Variants in DNAH17 observed in about 807,000 individuals in gnomAD.
DNAH17 encodes the protein dynein axonemal heavy chain 17.
DNAH17 carries 376 observed loss-of-function variants against 485.6 expected under a neutral mutation model. The ratio of observed to expected loss-of-function variants is 0.77; its 90% CI spans 0.71 to 0.84. The LOEUF is 0.84. Ranked by LOEUF, DNAH17 falls within the 40% of genes least tolerant of loss-of-function variation. The pLI, the probability that DNAH17 is intolerant of heterozygous loss-of-function variation, is 0.00. For synonymous variants in DNAH17, 3,031 were observed against 2,405.9 expected (o/e 1.26, Z -7.60); for missense variants, 6,370 against 5,839.3 (o/e 1.09, Z -2.96).
At chr17:78,428,341 G>A (rs983375668) in intron 77 of DNAH17, 184 bp downstream of exon 77, 12 of 708,660 alleles carry the variant, frequency 1.7e-5, no homozygotes, top group East Asian at 1.1e-4. Flanking sequence ...CAGCTGCCAC[G>A]TCTGAGGACC....
At chr17:78,572,614 AGTGGG>A in intron 3 of DNAH17, 82 bp downstream of exon 3, 1 of 1,080,654 alleles carries the variant, frequency 9.3e-7, no homozygotes, top group South Asian at 1.6e-5. Flanking sequence ...AACGGGTCGG[AGTGGG>A]GTGGAGTGGG....
intron 64 of DNAH17, among the ~76,000 whole-genome samples, chr17:78,453,858 T>G (rs1461603430): frequency 6.6e-6 from 1 of 151,780 alleles, no homozygotes; most frequent in Non-Finnish European, 1.5e-5. Flanking sequence ...CAACTAGGTT[T>G]TTTTTGTTTG....
intron 17 of DNAH17, among the ~76,000 whole-genome samples, chr17:78,543,200 C>T (rs928269578): frequency 3.3e-5 from 5 of 152,164 alleles, no homozygotes; most frequent in Admixed American, 1.3e-4. Flanking sequence ...CTGCCACCTC[C>T]GCCTCCCAGG....
At chr17:78,470,692 G>A (rs1254724627) in intron 54 of DNAH17, among the ~76,000 whole-genome samples, 1 of 152,088 alleles carries the variant, frequency 6.6e-6, no homozygotes, top group Non-Finnish European at 1.5e-5. Context: ...CCGTCTCAAA[G>A]AAAAGAAATA....
intron 16 of DNAH17, among the ~76,000 whole-genome samples, chr17:78,548,662 C>CCTGAGGG (rs1385009333): frequency 6.6e-6 from 1 of 152,146 alleles, no homozygotes; most frequent in Non-Finnish European, 1.5e-5. Context: ...GCTGTTCACA[C>CCTGAGGG]CTGAGGGCTA....
intron 27 of DNAH17, 93 bp from the exon 28 acceptor site, chr17:78,507,898 A>C (rs1386130862): frequency 4.9e-6 from 6 of 1,235,306 alleles, no homozygotes; most frequent in Non-Finnish European, 6.6e-6. Flanking sequence ...CTGAAGCTCC[A>C]TGATCAGAAA....
In DNAH17 at chr17:78,465,626, C is replaced by T. The variant is rs540201201; in HGVS notation, c.8940+1029G>A. Among the ~76,000 whole-genome samples the T allele has an allele frequency of 7.4e-3, 1,127 of 151,492 alleles. 5 individuals carry two copies. Among genetic ancestry groups the T allele is most frequent in the East Asian group, 0.013 (66 of 5,112 alleles). ...GAGCGCCTCTGCCCGGCCGAGACCC[C>T]GTCTGGGAGGTGAGGAGCGTCTCTG... is the stretch of plus-strand genomic sequence containing the variant. On this transcript the variant is annotated intron_variant, in intron 56 of 80. Coordinates refer to ENST00000389840, the MANE Select transcript of DNAH17 (RefSeq NM_173628.4).
intron 20 of DNAH17, among the ~76,000 whole-genome samples, chr17:78,531,157 CTG>C (rs1480705147): frequency 6.6e-6 from 1 of 152,042 alleles, no homozygotes; most frequent in African/African-American, 2.4e-5. Flanking sequence ...AAAACCCTAA[CTG>C]TTACTGTACT....
Position 78,575,383 on chromosome 17 carries a change from A to G in DNAH17, c.-25-301T>C, listed in dbSNP as rs150635089. ...GAAAGATAGAGATGAATGCTGGAGA[A>G]AGAGAGAAAAGGAAATGGCCGCAAC... On this transcript the variant is annotated intron_variant, in intron 1 of 80. Coordinates refer to ENST00000389840, the MANE Select transcript of DNAH17 (RefSeq NM_173628.4). Among the ~76,000 whole-genome samples, 414 of 152,344 alleles carry G rather than the reference A, an allele frequency of 2.7e-3. 2 individuals are homozygous for G. The highest frequency in any genetic ancestry group is 9.2e-3 in the African/African-American group (381 of 41,564).
At chr17:78,567,418 G>T (rs1230180943) in intron 9 of DNAH17, among the ~76,000 whole-genome samples, 1 of 152,118 alleles carries the variant, frequency 6.6e-6, no homozygotes, top group Non-Finnish European at 1.5e-5. Flanking sequence ...AGGAGGAGCT[G>T]GAGAGGATAA....
Position 78,571,610 on chromosome 17 carries a change from G to C in DNAH17, c.712C>G (p.Leu238Val). 2 of 1,613,946 alleles carry C rather than the reference G, an allele frequency of 1.2e-6. No individual in the cohort carries two copies. Among genetic ancestry groups the C allele is most frequent in the Non-Finnish European group, 1.7e-6 (2 of 1,179,900 alleles). Residue 238 changes from leucine to valine, a missense_variant, in exon 4 of 81, where the codon CTC (leucine) becomes GTC (valine). Leu to Val is a conservative substitution (Grantham distance 32, BLOSUM62 1). Coordinates refer to ENST00000389840, the MANE Select transcript of DNAH17 (RefSeq NM_173628.4). ...FEFWDTRLLN[L>V]KCIHEQLNRP... ...CGTACCTGTTCATGGATGCACTTGAGGTTCAGCAGCCGAGTGTCCCAGAAC... is the reference window on the plus strand; with the variant it reads ...CGTACCTGTTCATGGATGCACTTGACGTTCAGCAGCCGAGTGTCCCAGAAC...
At chr17:78,448,475 T>C (rs1327860450) in intron 69 of DNAH17, among the ~76,000 whole-genome samples, 1 of 152,226 alleles carries the variant, frequency 6.6e-6, no homozygotes, top group Non-Finnish European at 1.5e-5. Context: ...TACAGTGAAC[T>C]ATGATTGCAC....
intron 12 of DNAH17, 56 bp downstream of exon 12, chr17:78,561,659 C>T (rs1169705806): frequency 7.9e-6 from 12 of 1,527,382 alleles, no homozygotes; most frequent in Middle Eastern, 1.9e-4. Context: ...CAGTCCCTCT[C>T]GCTCTCCCGC....
intron 77 of DNAH17, among the ~76,000 whole-genome samples, chr17:78,428,153 G>A (rs2086543221): frequency 6.6e-6 from 1 of 152,170 alleles, no homozygotes; most frequent in Non-Finnish European, 1.5e-5. Context: ...GCTGCCCGGT[G>A]CGAGCTGCTA....
In DNAH17 at chr17:78,560,915, G is replaced by C. The variant is rs1166733127; in HGVS notation, c.1856C>G (p.Ala619Gly). Residue 619 changes from alanine (A) to glycine (G), a missense_variant, in exon 13 of 81, where the codon GCC becomes GGC. Transcript: ENST00000389840. ...VEHPVMSGAE[A>G]KLTYQKYDEM... ...GTCATACTTCTGATAGGTCAGCTTG[G>C]CCTCTGCTCCAGACATGACCCTGGA... The C allele has an allele frequency of 1.3e-6, 2 of 1,550,098 alleles. No homozygotes were observed. Among genetic ancestry groups the C allele is most frequent in the African/African-American group, 1.4e-5 (1 of 73,020 alleles).
At chr17:78,478,790 T>C in intron 51 of DNAH17, 1 of 493,664 alleles carries the variant, frequency 2.0e-6, no homozygotes, top group Non-Finnish European at 3.6e-6. Context: ...ACTATCATCA[T>C]AACCATCACT....
intron 69 of DNAH17, among the ~76,000 whole-genome samples, chr17:78,447,708 C>A (rs1385177559): frequency 6.7e-6 from 1 of 150,062 alleles, no homozygotes; most frequent in East Asian, 1.9e-4. Context: ...CATAGTGAAC[C>A]TATGATTCAG....
intron 14 of DNAH17, among the ~76,000 whole-genome samples, chr17:78,555,458 C>G (rs1354351294): frequency 7.2e-6 from 1 of 139,592 alleles, no homozygotes; most frequent in Non-Finnish European, 1.5e-5. Context: ...ATGAATGGAC[C>G]ATGGACAAAG....
chr17:78,539,841 G>A lies in DNAH17; in HGVS notation c.2572C>T (p.Pro858Ser). The stretch of plus-strand genomic sequence containing the variant: ...ATGTAGATGACATAATCCTTCCAGG[G>A]CAGGCTCAGTGTGTCTGCCCTGAAT... ...ELFRADTLSL[P>S]WKDYVIYIDD... The change falls in exon 18 of 81, where the codon CCC (proline) becomes TCC (serine). Residue 858 changes from proline (P) to serine (S), a missense_variant. By Grantham distance (74) the Pro-to-Ser change is moderately conservative. Coordinates refer to ENST00000389840, the MANE Select transcript of DNAH17 (RefSeq NM_173628.4). 6.2e-7 allele frequency: 1 copy of A among 1,610,664 alleles called. No individual in the cohort carries two copies. The highest frequency in any genetic ancestry group is 8.5e-7 in the Non-Finnish European group (1 of 1,179,136).
Sources: gnomAD v4.1 joint callset for allele counts (sites outside exome capture counted in the v4.1 genomes callset) on GRCh38, gnomAD v4.1.1 for gene constraint, MANE v1.5 for transcripts, NCBI Gene and HGNC (gene_info 2026-07-23, HGNC 2026-07-21) for gene names.